Variants in CLIC5 observed in about 807,000 individuals in gnomAD.
CLIC5 encodes chloride intracellular channel protein 5.
CLIC5 carries 20 observed loss-of-function variants against 24.7 expected under a neutral mutation model. That is an observed-to-expected ratio of 0.81 (90% CI 0.57 to 1.18). CLIC5 has a LOEUF of 1.18. Among genes scored for constraint, CLIC5 ranks in the 50% most tolerant of loss-of-function variants. The pLI, the probability that CLIC5 is intolerant of heterozygous loss-of-function variation, is 0.00. For missense variants in CLIC5, 341 were observed against 326.1 expected, an observed-to-expected ratio of 1.05 and a Z score of -0.35; for synonymous variants, 159 against 135.6, an observed-to-expected ratio of 1.17 and a Z score of -1.20.
chr6:46,038,086 C>T (rs528956768), intron 1 of CLIC5, among the ~76,000 whole-genome samples: 2 of 152,026 alleles, frequency 1.3e-5, no homozygotes, highest in African/African-American at 4.8e-5. Context: ...TTGGCCCAGT[C>T]CCTCTGGTAG....
chr6:46,030,175 G>A (rs965852909), intron 1 of CLIC5, among the ~76,000 whole-genome samples: 69 of 152,212 alleles, frequency 4.5e-4, no homozygotes, highest in African/African-American at 1.6e-3. Flanking sequence ...GTATTTCCAA[G>A]ATAGTGCACT....
intron 4 of CLIC5, among the ~76,000 whole-genome samples, chr6:45,922,965 G>A (rs1344970876): frequency 2.6e-5 from 4 of 151,940 alleles, no homozygotes; most frequent in Non-Finnish European, 4.4e-5. Context: ...GGGCAGTGGC[G>A]ACACCTTCTG....
At chr6:45,998,660 T>A (rs529682551) in intron 1 of CLIC5, among the ~76,000 whole-genome samples, 2 of 152,294 alleles carry the variant, frequency 1.3e-5, no homozygotes, top group South Asian at 4.1e-4. Flanking sequence ...AACCCTGAGG[T>A]TGCCAGATCT....
chr6:46,110,123 A>G, the CLIC5 span, among the ~76,000 whole-genome samples: 2 of 152,146 alleles, frequency 1.3e-5, no homozygotes, highest in Admixed American at 1.3e-4. Context: ...GCTCTCCGTT[A>G]CCTCAAGTAG....
intron 1 of CLIC5, among the ~76,000 whole-genome samples, chr6:46,028,175 G>A (rs1767394544): frequency 6.6e-6 from 1 of 152,150 alleles, no homozygotes; most frequent in Admixed American, 6.6e-5. Context: ...GTCTCCTTGT[G>A]GGAAGTCAAC....
At chr6:45,963,177 C>CT (rs377159907) in intron 1 of CLIC5, among the ~76,000 whole-genome samples, 133 of 150,488 alleles carry the variant, frequency 8.8e-4, no homozygotes, top group Middle Eastern at 3.5e-3. Context: ...TTAATCAATT[C>CT]TTTTTTTTTT....
At chr6:46,022,535 C>T (rs755980360) in intron 1 of CLIC5, among the ~76,000 whole-genome samples, 18 of 152,132 alleles carry the variant, frequency 1.2e-4, no homozygotes, top group Admixed American at 2.0e-4. Flanking sequence ...GGGATCACAC[C>T]TGCATGAGGT....
chr6:46,035,181 A>G (rs1384905059), intron 1 of CLIC5, among the ~76,000 whole-genome samples: 1 of 152,204 alleles, frequency 6.6e-6, no homozygotes, highest in Non-Finnish European at 1.5e-5. Flanking sequence ...CAAAGTATCA[A>G]TGGCAAAACC....
the CLIC5 span, among the ~76,000 whole-genome samples, chr6:46,090,776 T>C: frequency 1.4e-4 from 21 of 152,214 alleles, no homozygotes; most frequent in African/African-American, 4.8e-4. Flanking sequence ...TTAAATTAAG[T>C]TTAACCTAAA....
At chr6:45,977,896 A>T (rs1765437550) in intron 1 of CLIC5, among the ~76,000 whole-genome samples, 1 of 152,200 alleles carries the variant, frequency 6.6e-6, no homozygotes, top group South Asian at 2.1e-4. Context: ...GTGCTGTTCT[A>T]GGTGCAAGGG....
At chr6:46,063,732 A>G (rs1274273186) in intron 1 of CLIC5, among the ~76,000 whole-genome samples, 1 of 152,226 alleles carries the variant, frequency 6.6e-6, no homozygotes, top group Admixed American at 6.5e-5. Context: ...CCCAGTAGGA[A>G]GAGTGGAAAG....
At chr6:45,905,473 T>C (rs944959507) in intron 5 of CLIC5, among the ~76,000 whole-genome samples, 1 of 138,762 alleles carries the variant, frequency 7.2e-6, no homozygotes, top group Non-Finnish European at 1.5e-5. Flanking sequence ...TGACTGGTGA[T>C]ACTGAGCTTT....
chr6:45,969,606 G>A (rs1418940894), intron 1 of CLIC5, among the ~76,000 whole-genome samples: 1 of 152,096 alleles, frequency 6.6e-6, no homozygotes, highest in Non-Finnish European at 1.5e-5. Flanking sequence ...GTGAACGTAT[G>A]TAATTTAGAC....
At chr6:45,991,419 A>G (rs1294833000) in intron 1 of CLIC5, among the ~76,000 whole-genome samples, 7 of 152,202 alleles carry the variant, frequency 4.6e-5, no homozygotes, top group African/African-American at 1.7e-4. Context: ...CACCCACCAG[A>G]GCTTGGAAGA....
intron 3 of CLIC5, among the ~76,000 whole-genome samples, chr6:45,944,711 A>G (rs1400561638): frequency 6.6e-6 from 1 of 152,176 alleles, no homozygotes; most frequent in Non-Finnish European, 1.5e-5. Context: ...AAGGATACCC[A>G]CCATGCAATT....
chr6:45,958,463 T>TATATAAAC (rs1764737662), intron 1 of CLIC5, among the ~76,000 whole-genome samples: 1 of 18,150 alleles, frequency 5.5e-5, no homozygotes, highest in Admixed American at 5.3e-4. Flanking sequence ...TATATATATA[T>TATATAAAC]ATATATATAT....
chr6:45,893,852 T>G (rs1243179468), downstream of CLIC5, among the ~76,000 whole-genome samples: 1 of 152,210 alleles, frequency 6.6e-6, no homozygotes, highest in Non-Finnish European at 1.5e-5. Context: ...AATCCTTATG[T>G]GGACTAAAAA....
chr6:46,121,216 G>C, the CLIC5 span, among the ~76,000 whole-genome samples: 2 of 152,216 alleles, frequency 1.3e-5, no homozygotes, highest in Non-Finnish European at 2.9e-5. Context: ...AAGCCCATCA[G>C]ACTAACAGCT....
intron 1 of CLIC5, among the ~76,000 whole-genome samples, chr6:46,009,868 C>T (rs1346820569): frequency 6.6e-6 from 1 of 152,090 alleles, no homozygotes; most frequent in African/African-American, 2.4e-5. Context: ...ATCAACTTCC[C>T]CTGAGTTTGA....
Sources: gnomAD v4.1 joint callset for allele counts (sites outside exome capture counted in the v4.1 genomes callset) on GRCh38, gnomAD v4.1.1 for gene constraint, MANE v1.5 for transcripts, NCBI Gene and HGNC (gene_info 2026-07-23, HGNC 2026-07-21) for gene names.